Variants in CNDP1 observed in about 807,000 individuals in gnomAD.
The protein encoded by CNDP1 is beta-Ala-His dipeptidase.
Under a neutral mutation model 58.1 loss-of-function variants are expected in CNDP1, and 44 were observed. That is an observed-to-expected ratio of 0.76 (90% CI 0.60 to 0.97). The LOEUF is 0.97. CNDP1 is among the 50% of genes least tolerant of loss of function. The pLI is 0.00. For synonymous variants in CNDP1, 254 were observed against 252.6 expected, an observed-to-expected ratio of 1.01 and a Z score of -0.05; for missense variants, 616 against 655.1, an observed-to-expected ratio of 0.94 and a Z score of 0.65.
chr18:74,558,377 C>G (rs1459872898), intron 2 of CNDP1, among the ~76,000 whole-genome samples: 1 of 145,680 alleles, frequency 6.9e-6, no homozygotes, highest in African/African-American at 2.5e-5. Context: ...AGTTAGGGAG[C>G]ATTACTTTCT....
rs185700588 is a variant in CNDP1 at position 74,540,180 on chromosome 18, C to T, written c.24+5489C>T. ...ATCTTTTTTTTTTTTTTTTTTGAGA[C>T]GGAGTCTGGCTCTGTTGCCCAGGCT... On this transcript the variant is annotated intron_variant, in intron 1 of 11. Coordinates refer to ENST00000358821, the MANE Select transcript of CNDP1 (RefSeq NM_032649.6). Among the ~76,000 whole-genome samples the T allele has an allele frequency of 1.8e-3, 253 of 141,380 alleles. 1 individual carries two copies. Among genetic ancestry groups the T allele is most frequent in the Non-Finnish European group, 2.0e-3 (134 of 66,034 alleles). The allele number at this position is 141,380 out of a possible 152,430, so 92.8% of individuals were successfully genotyped here.
chr18:74,570,432 CT>C (rs1981451347), intron 6 of CNDP1, among the ~76,000 whole-genome samples: 2 of 152,164 alleles, frequency 1.3e-5, no homozygotes, highest in South Asian at 4.1e-4. Flanking sequence ...AGGACAGTGT[CT>C]GTTAAGTTTT....
intron 5 of CNDP1, among the ~76,000 whole-genome samples, chr18:74,562,902 C>G (rs1385730696): frequency 6.6e-6 from 1 of 151,276 alleles, no homozygotes; most frequent in Non-Finnish European, 1.5e-5. Flanking sequence ...GGGCAAGCAA[C>G]TTGACCTCTC....
chr18:74,556,853 C>T (rs1314670768), intron 2 of CNDP1, among the ~76,000 whole-genome samples: 2 of 152,222 alleles, frequency 1.3e-5, no homozygotes, highest in African/African-American at 2.4e-5. Flanking sequence ...TCAACAGCAG[C>T]GTTGTTTGTT....
At chr18:74,557,163 C>T (rs1981064718) in intron 2 of CNDP1, among the ~76,000 whole-genome samples, 1 of 152,120 alleles carries the variant, frequency 6.6e-6, no homozygotes. Flanking sequence ...AGTGATCTTC[C>T]TGCCTCGGCC....
chr18:74,559,953 A>G (rs1433378639), intron 3 of CNDP1, among the ~76,000 whole-genome samples: 1 of 150,946 alleles, frequency 6.6e-6, no homozygotes, highest in Non-Finnish European at 1.5e-5. Flanking sequence ...GAACCTCAGG[A>G]TCATCCATGT....
intron 2 of CNDP1, among the ~76,000 whole-genome samples, chr18:74,557,428 G>A (rs1460974736): frequency 2.0e-5 from 3 of 152,154 alleles, no homozygotes; most frequent in Admixed American, 6.5e-5. Context: ...GTAAAGTAGA[G>A]GGAGGATGAG....
intron 7 of CNDP1, among the ~76,000 whole-genome samples, chr18:74,572,790 CAAAAAAAAAA>C (rs56059264): frequency 1.7e-5 from 1 of 60,072 alleles, no homozygotes; most frequent in African/African-American, 7.1e-5. Flanking sequence ...GACCCTGTAT[CAAAAAAAAAA>C]AAAAAAAAAA....
intron 1 of CNDP1, among the ~76,000 whole-genome samples, chr18:74,555,995 C>G (rs1021052254): frequency 6.6e-5 from 10 of 152,174 alleles, no homozygotes; most frequent in Non-Finnish European, 1.2e-4. Context: ...ACTCTTTTCT[C>G]TCTTGTAAAG....
chr18:74,577,091 C>T, intron 8 of CNDP1, 62 bp downstream of exon 8: 2 of 1,436,462 alleles, frequency 1.4e-6, no homozygotes, highest in Admixed American at 2.0e-5. Context: ...CATATTTGCC[C>T]TCTGTCTAAG....
chr18:74,541,405 G>A (rs1980621589), intron 1 of CNDP1, among the ~76,000 whole-genome samples: 1 of 152,186 alleles, frequency 6.6e-6, no homozygotes, highest in Non-Finnish European at 1.5e-5. Flanking sequence ...CTGCTGGCTC[G>A]GGACCCTGGC....
At chr18:74,574,695 C>T (rs1203485665) in intron 7 of CNDP1, 1 of 152,136 alleles carries the variant, frequency 6.6e-6, no homozygotes, top group Non-Finnish European at 1.5e-5. Context: ...TATTTTCATT[C>T]AAATGCTTTC....
intron 5 of CNDP1, among the ~76,000 whole-genome samples, chr18:74,562,997 G>A (rs535419242): frequency 7.7e-4 from 117 of 152,240 alleles, no homozygotes; most frequent in Non-Finnish European, 1.5e-3. Flanking sequence ...TGTCCTGGAC[G>A]CCGCCTCAGC....
At chr18:74,546,622 T>G (rs1398564406) in intron 1 of CNDP1, among the ~76,000 whole-genome samples, 1 of 152,122 alleles carries the variant, frequency 6.6e-6, no homozygotes, top group Non-Finnish European at 1.5e-5. Context: ...AGCCAGCCAG[T>G]TCCTAAGTGC....
intron 10 of CNDP1, among the ~76,000 whole-genome samples, chr18:74,581,853 C>T (rs1373652873): frequency 6.6e-6 from 1 of 152,200 alleles, no homozygotes; most frequent in Non-Finnish European, 1.5e-5. Context: ...AAAGCAGTGG[C>T]ATGCATTTAG....
intron 11 of CNDP1, 90 bp downstream of exon 11, chr18:74,583,798 T>C (rs1981848265): frequency 3.1e-6 from 4 of 1,304,818 alleles, no homozygotes; most frequent in South Asian, 2.5e-5. Context: ...GTTCAATTTA[T>C]GTGAGAATGG....
At position 74,575,060 on chromosome 18, in the gene CNDP1, A is replaced by G. The variant is rs369590429; in HGVS notation, c.842-1809A>G. Reference sequence around the variant, plus strand: ...GGAGGGAAGGAAGGAGAGAAAGGAAAGAAGAAAGAAGGAAGGAAAGAAAGG... The same window carrying G: ...GGAGGGAAGGAAGGAGAGAAAGGAAGGAAGAAAGAAGGAAGGAAAGAAAGG... On this transcript the variant is annotated intron_variant, in intron 7 of 11. Transcript: ENST00000358821. Among the ~76,000 whole-genome samples, 290 of 151,490 alleles carry G rather than the reference A, an allele frequency of 1.9e-3. 2 individuals carry two copies. The highest frequency in any genetic ancestry group is 6.6e-3 in the African/African-American group (274 of 41,284).
rs1413034605 is a variant in CNDP1, at chr18:74,584,308, A to G, written c.1458-188A>G. On this transcript the variant is annotated intron_variant, in intron 11 of 11. Coordinates refer to ENST00000358821, the MANE Select transcript of CNDP1 (RefSeq NM_032649.6). ...GTCTAGGACTGATTCTCATCTTCTT[A>G]ATAATAATAATGCAATTTTCACATG... is the stretch of plus-strand genomic sequence containing the variant. The G allele has an allele frequency of 5.3e-6, 3 of 570,774 alleles. No homozygotes were observed. The African/African-American group carries it at 5.6e-5, about 11-fold the overall frequency. 35.4% of individuals were successfully genotyped at this position (570,774 alleles called of 1,614,324 possible).
At chr18:74,547,481 C>T (rs746332335) in intron 1 of CNDP1, among the ~76,000 whole-genome samples, 1 of 152,228 alleles carries the variant, frequency 6.6e-6, no homozygotes, top group Non-Finnish European at 1.5e-5. Context: ...TAAACAAAAA[C>T]AACCAGTGCA....
Sources: allele counts gnomAD v4.1 joint callset (sites outside exome capture counted in the v4.1 genomes callset), GRCh38; gene constraint gnomAD v4.1.1; transcripts MANE v1.5; gene names NCBI Gene and HGNC (gene_info 2026-07-23, HGNC 2026-07-21).